NDUFA10: variants seen among roughly 807,000 people sequenced by gnomAD.
NDUFA10 encodes NADH dehydrogenase [ubiquinone] 1 alpha subcomplex subunit 10, mitochondrial.
A neutral mutation model predicts 47.8 loss-of-function variants in NDUFA10; 40 were observed. The observed-to-expected ratio is 0.84, with a 90% CI of 0.65 to 1.09. The LOEUF is 1.09. NDUFA10 is among the 50% of genes least tolerant of loss of function. NDUFA10 has a pLI of 0.00. For missense variants in NDUFA10, 413 were observed against 451.1 expected (o/e 0.92, Z 0.76); for synonymous variants, 183 against 172.2 (o/e 1.06, Z -0.49).
chr2:240,020,557 T>A (rs966217988), intron 3 of NDUFA10, among the ~76,000 whole-genome samples: 1 of 152,292 alleles, frequency 6.6e-6, no homozygotes. Context: ...TTCATGCCCT[T>A]TCATCCACCT....
At chr2:239,954,804 C>A (rs1014075854), downstream of NDUFA10, among the ~76,000 whole-genome samples, 49 of 99,050 alleles carry the variant, frequency 4.9e-4, 2 homozygotes, top group Admixed American at 5.1e-3. Flanking sequence ...CATCCATGCT[C>A]CCCCAAGTGG....
chr2:240,004,616 T>C (rs1419196849), intron 8 of NDUFA10, among the ~76,000 whole-genome samples: 1 of 151,446 alleles, frequency 6.6e-6, no homozygotes, highest in Non-Finnish European at 1.5e-5. Flanking sequence ...CCTCCTCTCC[T>C]AGTCCTGCTC....
chr2:239,943,909 G>A (rs996981449), intron 4 of NDUFA10, among the ~76,000 whole-genome samples: 1 of 152,176 alleles, frequency 6.6e-6, no homozygotes, highest in Non-Finnish European at 1.5e-5. Context: ...GGAGCTAAAG[G>A]CATGGGGCAG....
intron 8 of NDUFA10, among the ~76,000 whole-genome samples, chr2:240,001,221 T>C (rs1473129896): frequency 6.6e-6 from 1 of 152,186 alleles, no homozygotes; most frequent in African/African-American, 2.4e-5. Context: ...TTGAGGATAA[T>C]TAATGTAAAT....
chr2:239,900,221 T>G (rs112765189), intron 4 of NDUFA10, among the ~76,000 whole-genome samples: 3,012 of 152,016 alleles, frequency 0.02, 121 homozygotes, highest in African/African-American at 0.068. Context: ...TTTGAGGTTT[T>G]GGGACTTGGA....
chr2:240,018,960 C>A (rs1420399150), intron 3 of NDUFA10, among the ~76,000 whole-genome samples: 5 of 152,114 alleles, frequency 3.3e-5, no homozygotes, highest in Non-Finnish European at 7.4e-5. Context: ...CCTGCCCCCA[C>A]CATTCCAGTC....
intron 4 of NDUFA10, among the ~76,000 whole-genome samples, chr2:239,901,795 A>G (rs953568330): frequency 4.6e-5 from 7 of 151,766 alleles, no homozygotes; most frequent in Non-Finnish European, 1.0e-4. Context: ...TGTCAACATT[A>G]ACAAGAGTTT....
chr2:239,964,213 G>A (rs1017924133), intron 9 of NDUFA10, among the ~76,000 whole-genome samples: 3 of 152,174 alleles, frequency 2.0e-5, no homozygotes, highest in Admixed American at 1.3e-4. Flanking sequence ...GCAGGAGACT[G>A]GGAGATCATC....
chr2:239,908,879 C>T (rs1693700977), intron 4 of NDUFA10, among the ~76,000 whole-genome samples: 1 of 152,224 alleles, frequency 6.6e-6, no homozygotes, highest in African/African-American at 2.4e-5. Flanking sequence ...TGACAAGGGT[C>T]AGTCCCTGCC....
At chr2:239,932,461 C>A (rs1263818904) in intron 4 of NDUFA10, among the ~76,000 whole-genome samples, 1 of 152,262 alleles carries the variant, frequency 6.6e-6, no homozygotes, top group Non-Finnish European at 1.5e-5. Context: ...CCCCGCAAGC[C>A]CGCAGGCGTG....
chr2:239,905,420 T>A (rs540597836), intron 4 of NDUFA10, among the ~76,000 whole-genome samples: 1 of 152,196 alleles, frequency 6.6e-6, no homozygotes, highest in African/African-American at 2.4e-5. Context: ...CCTCGAAGAT[T>A]TGCACCGGGA....
At chr2:239,937,126 C>T (rs949137693) in intron 4 of NDUFA10, among the ~76,000 whole-genome samples, 9 of 152,142 alleles carry the variant, frequency 5.9e-5, no homozygotes, top group Non-Finnish European at 7.3e-5. Flanking sequence ...AGACGCTCAC[C>T]GCACAGCTGT....
Position 240,007,310 on chromosome 2 carries a change from T to G in NDUFA10, c.804+6A>C, listed in dbSNP as rs781292252. ...ATAACTTTCAACTTTTCAACCATTT[T>G]CTTACCTTTTTTGAATCTTGAGCTT... On this transcript the variant is annotated splice_donor_region_variant and intron_variant, in intron 7 of 9. Coordinates refer to ENST00000252711, the MANE Select transcript of NDUFA10 (RefSeq NM_004544.4). 6.3e-7 allele frequency: 1 copy of G among 1,580,670 alleles called. No homozygotes were observed. The highest frequency in any genetic ancestry group is 1.1e-5 in the South Asian group (1 of 90,220).
rs1356355663 is a variant in NDUFA10, at chr2:239,960,295, C to T, written c.*823G>A. 4.1e-6 allele frequency: 4 copies of T among 985,554 alleles called. No homozygotes were observed. Among genetic ancestry groups the T allele is most frequent in the African/African-American group, 1.7e-5 (1 of 57,252 alleles). 61.1% of individuals were successfully genotyped at this position (985,554 alleles called of 1,614,324 possible). ...AACCAGCTTGTTTTGGTTTTCTAGGCTTCAACAGAGATGAATAAAGAAATC... is the reference window on the plus strand; with the variant it reads ...AACCAGCTTGTTTTGGTTTTCTAGGTTTCAACAGAGATGAATAAAGAAATC... On this transcript the variant is annotated 3_prime_UTR_variant, in exon 10 of 10. Coordinates refer to ENST00000252711, the MANE Select transcript of NDUFA10 (RefSeq NM_004544.4).
At chr2:239,986,067 A>G (rs1163923969) in intron 9 of NDUFA10, among the ~76,000 whole-genome samples, 1 of 152,238 alleles carries the variant, frequency 6.6e-6, no homozygotes, top group Non-Finnish European at 1.5e-5. Flanking sequence ...AAACCAAGTC[A>G]GAAAAATCTC....
intron 4 of NDUFA10, among the ~76,000 whole-genome samples, chr2:239,913,448 C>A (rs1269863439): frequency 1.3e-5 from 2 of 152,222 alleles, no homozygotes; most frequent in African/African-American, 4.8e-5. Flanking sequence ...GAACCTTGGC[C>A]AAGAGCTTCA....
intron 4 of NDUFA10, among the ~76,000 whole-genome samples, chr2:239,908,580 A>G (rs1693696706): frequency 6.6e-6 from 1 of 152,214 alleles, no homozygotes; most frequent in Admixed American, 6.5e-5. Flanking sequence ...GACTTTCACA[A>G]AGAAATAGCA....
intron 1 of NDUFA10, among the ~76,000 whole-genome samples, chr2:240,024,250 A>G (rs1210189538): frequency 6.6e-6 from 1 of 152,256 alleles, no homozygotes; most frequent in African/African-American, 2.4e-5. Context: ...GAATGAATTG[A>G]AGTACATCCA....
intron 4 of NDUFA10, among the ~76,000 whole-genome samples, chr2:239,947,635 G>T (rs576083816): frequency 2.0e-5 from 3 of 152,260 alleles, no homozygotes; most frequent in African/African-American, 7.2e-5. Context: ...CAGGCCCAGG[G>T]TCCTGTGAGG....
Sources: gnomAD v4.1 joint callset for allele counts (sites outside exome capture counted in the v4.1 genomes callset) on GRCh38, gnomAD v4.1.1 for gene constraint, MANE v1.5 for transcripts, NCBI Gene and HGNC (gene_info 2026-07-23, HGNC 2026-07-21) for gene names.